The following ZNF497 variants were observed in gnomAD, a reference collection of about 807,000 sequenced individuals.
ZNF497 encodes the protein zinc finger-like protein.
For synonymous variants in ZNF497, 422 were observed against 313.7 expected (o/e 1.35, Z -3.65); for missense variants, 930 against 714.0 (o/e 1.30, Z -3.45).
Position 58,356,765 on chromosome 19 carries a change from G to T in ZNF497, c.871C>A (p.Gln291Lys). 3.8e-6 allele frequency: 6 copies of T among 1,559,994 alleles called. No homozygotes were observed. Among genetic ancestry groups the T allele is most frequent in the Non-Finnish European group, 3.4e-6 (4 of 1,159,566 alleles). The change falls in exon 3 of 3, where the codon CAG (glutamine) becomes AAG (lysine). Residue 291 changes from glutamine (Q) to lysine (K), a missense_variant. Transcript: ENST00000311044. ...TCGCTGCTGTGCGTGCGCCGGTGCT[G>T]CCGCAGCCCCGCCACACGCACGAAG... ...KAFVRVAGLR[Q>K]HRRTHSSEKP...
At chr19:58,360,140 A>G (rs544212231) in intron 1 of ZNF497, among the ~76,000 whole-genome samples, 1 of 152,370 alleles carries the variant, frequency 6.6e-6, no homozygotes, top group African/African-American at 2.4e-5. Flanking sequence ...GACAGAAAGT[A>G]GATCAGCGGT....
chr19:58,355,096 GCT>G lies in ZNF497; in HGVS notation c.*1041_*1042del, dbSNP rs1435359890. The G allele has an allele frequency of 1.3e-5, 2 of 152,238 alleles. No individual in the cohort carries two copies. The highest frequency in any genetic ancestry group is 3.8e-4 in the East Asian group (2 of 5,196). The allele number at this position is 152,238 out of a possible 1,614,324, so 9.4% of individuals were successfully genotyped here. A position where few individuals can be genotyped will look rare whatever the true frequency, so the allele number is the denominator to read the frequency against. On this transcript the variant is annotated 3_prime_UTR_variant, in exon 3 of 3. Transcript: ENST00000311044. ...CTGAGATTCTGCAACATCCACTTTT[GCT>G]CTCTGAGCCTTGCAAAACCTGCACA...
In ZNF497 at chr19:58,357,030, G is replaced by C. The variant is rs1182095958; in HGVS notation, c.606C>G (p.Ser202Arg). ...TGCGTCGGTGCTGCACCAGCGTGGT[G>C]CTTCGGCCGAAGGACTTGCCGCAGT... ...CPDCGKSFGRSTTLVQHRRTH... is the reference protein window; with the variant it reads ...CPDCGKSFGRRTTLVQHRRTH... Residue 202 changes from serine (S) to arginine (R), a missense_variant, in exon 3 of 3, where the codon AGC becomes AGG. Transcript: ENST00000311044. 6.2e-7 allele frequency: 1 copy of C among 1,610,140 alleles called. No homozygotes were observed. Among genetic ancestry groups the C allele is most frequent in the Non-Finnish European group, 8.5e-7 (1 of 1,178,968 alleles).
chr19:58,356,627 G>C lies in ZNF497; in HGVS notation c.1009C>G (p.Gln337Glu), dbSNP rs1156851134. 1 of 1,503,708 alleles carries C rather than the reference G, an allele frequency of 6.7e-7. No homozygotes were observed. The allele number at this position is 1,503,708 out of a possible 1,614,324, so 93.1% of individuals were successfully genotyped here. ...AGGTAGGAGCCCATGACGAAAGCCT[G>C]GCCGCACTCGGCGCACTCGAAGGGC... The part of the protein sequence containing the change: ...ERPFECAECG[Q>E]AFVMGSYLAE... Residue 337 changes from glutamine (Q) to glutamate (E), a missense_variant, in exon 3 of 3, where the codon CAG (glutamine) becomes GAG (glutamate). Coordinates refer to ENST00000311044, the MANE Select transcript of ZNF497 (RefSeq NM_198458.3).
chr19:58,359,663 T>C (rs1191994007), intron 1 of ZNF497: 6 of 329,134 alleles, frequency 1.8e-5, no homozygotes, highest in Non-Finnish European at 2.4e-5. Context: ...GTTTGTCCCC[T>C]CCAGGAAGTG....
At chr19:58,358,111 C>A in intron 2 of ZNF497, 2 of 1,266,996 alleles carry the variant, frequency 1.6e-6, no homozygotes, top group Non-Finnish European at 1.0e-6. Context: ...ACAGCTATGT[C>A]TGCCTCACCC....
chr19:58,361,558 T>C (rs2052094041), intron 1 of ZNF497, among the ~76,000 whole-genome samples: 1 of 151,890 alleles, frequency 6.6e-6, no homozygotes, highest in South Asian at 2.1e-4. Context: ...GGTTTCACCA[T>C]GTTGCTCAGG....
intron 1 of ZNF497, chr19:58,359,280 G>T (rs1472365942): frequency 3.9e-6 from 5 of 1,289,366 alleles, no homozygotes; most frequent in Non-Finnish European, 5.1e-6. Flanking sequence ...CCCCTTTCCT[G>T]GGAGGGGAGT....
intron 1 of ZNF497, among the ~76,000 whole-genome samples, chr19:58,362,067 GCCT>G (rs1226453115): frequency 1.1e-3 from 169 of 152,286 alleles, no homozygotes; most frequent in African/African-American, 3.9e-3. Context: ...GAGCCTCAAC[GCCT>G]CCTCCTCACC....
chr19:58,356,240 C>T lies in ZNF497; in HGVS notation c.1396G>A (p.Gly466Ser). The change falls in exon 3 of 3, where the codon GGC becomes AGC. Residue 466 changes from glycine to serine, a missense_variant. Coordinates refer to ENST00000311044, the MANE Select transcript of ZNF497 (RefSeq NM_198458.3). ...TCGCCGCAAGCGTAGGGCCTCTCGC[C>T]CGTGTGCGTGCGCCGGTGGCTTAAG... ...ELLSHRRTHT[G>S]ERPYACGECG... The T allele has an allele frequency of 6.2e-7, 1 of 1,607,464 alleles. No individual in the cohort carries two copies.
intron 1 of ZNF497, chr19:58,359,535 C>T (rs1246084927): frequency 6.7e-6 from 3 of 450,996 alleles, no homozygotes; most frequent in Non-Finnish European, 1.3e-5. Context: ...CGCCTCCCCG[C>T]TTTTCTTGAG....
chr19:58,357,753 TCTC>T (rs1401518246), intron 2 of ZNF497, 104 bp from the exon 3 acceptor site: 59 of 1,264,194 alleles, frequency 4.7e-5, no homozygotes, highest in Middle Eastern at 2.0e-4. Flanking sequence ...CCCCCACTCT[TCTC>T]CTCCAGGTCC....
At position 58,357,301 on chromosome 19, in the gene ZNF497, C is replaced by G. The variant is rs1028317260; in HGVS notation, c.335G>C (p.Gly112Ala). The G allele has an allele frequency of 1.2e-6, 2 of 1,609,174 alleles. No homozygotes were observed. The highest frequency in any genetic ancestry group is 2.7e-5 in the African/African-American group (2 of 74,960). ...GTAAGAGCCCTGGCTGAACGCCTTGCCGCACTCCCCGCACCGGCAGCCCGG... is the reference window on the plus strand; with the variant it reads ...GTAAGAGCCCTGGCTGAACGCCTTGGCGCACTCCCCGCACCGGCAGCCCGG... ...EEPGCRCGEC[G>A]KAFSQGSYLL... The change falls in exon 3 of 3, where the codon GGC becomes GCC. Residue 112 changes from glycine to alanine, a missense_variant. Transcript: ENST00000311044.
chr19:58,360,128 GAGAC>G (rs1031859812), intron 1 of ZNF497, among the ~76,000 whole-genome samples: 1 of 152,180 alleles, frequency 6.6e-6, no homozygotes, highest in African/African-American at 2.4e-5. Context: ...AAGTCTGTAA[GAGAC>G]AGAAAGTAGA....
At chr19:58,360,077 A>G (rs2052074577) in intron 1 of ZNF497, among the ~76,000 whole-genome samples, 2 of 152,244 alleles carry the variant, frequency 1.3e-5, no homozygotes, top group African/African-American at 2.4e-5. Context: ...AAAAGACTTC[A>G]TATTATGTTA....
chr19:58,356,085 C>A lies in ZNF497; in HGVS notation c.*54G>T. On this transcript the variant is annotated 3_prime_UTR_variant, in exon 3 of 3. Transcript: ENST00000311044. ...GGGCCAGCAGACAGCGCACTCACGCCCGAGACCCCGCAATGCCGTGTGTCC... is the reference window on the plus strand; with the variant it reads ...GGGCCAGCAGACAGCGCACTCACGCACGAGACCCCGCAATGCCGTGTGTCC... 3 of 1,475,066 alleles carry A rather than the reference C, an allele frequency of 2.0e-6. No homozygotes were observed. Among genetic ancestry groups the A allele is most frequent in the Non-Finnish European group, 2.7e-6 (3 of 1,119,082 alleles). 91.4% of individuals were successfully genotyped at this position (1,475,066 alleles called of 1,614,324 possible).
At position 58,356,619 on chromosome 19, in the gene ZNF497, G is replaced by A. The variant is rs1182765877; in HGVS notation, c.1017C>T (p.Phe339=). ...GCTCCGCCAGGTAGGAGCCCATGAC[G>A]AAAGCCTGGCCGCACTCGGCGCACT... ...PFECAECGQA[F]VMGSYLAEHR... Residue 339 remains phenylalanine (F), a synonymous_variant, in exon 3 of 3, where the codon TTC becomes TTT. Coordinates refer to ENST00000311044, the MANE Select transcript of ZNF497 (RefSeq NM_198458.3). 9 of 1,546,544 alleles carry A rather than the reference G, an allele frequency of 5.8e-6. No homozygotes were observed. The highest frequency in any genetic ancestry group is 7.8e-6 in the Non-Finnish European group (9 of 1,151,112).
In ZNF497 at chr19:58,357,360, G is replaced by A. The variant is rs555272188; in HGVS notation, c.276C>T (p.Asp92=). 28 of 1,594,924 alleles carry A rather than the reference G, an allele frequency of 1.8e-5. No homozygotes were observed. The African/African-American group carries it at 3.2e-4, about 18-fold the overall frequency. ...GGAGAGGCGAAGGGCGCAACGCCCGGTCTGCAGGCTCGCTCCTGGGCCCAG... is the reference window on the plus strand; with the variant it reads ...GGAGAGGCGAAGGGCGCAACGCCCGATCTGCAGGCTCGCTCCTGGGCCCAG... The part of the protein sequence containing the change: ...DGAGPRSEPA[D]RALRPSPLPE... The change falls in exon 3 of 3, where the codon GAC becomes GAT. Residue 92 remains aspartate (D), a synonymous_variant. Coordinates refer to ENST00000311044, the MANE Select transcript of ZNF497 (RefSeq NM_198458.3).
intron 2 of ZNF497, chr19:58,357,940 T>G: frequency 1.5e-6 from 2 of 1,323,774 alleles, no homozygotes; most frequent in Non-Finnish European, 1.9e-6. Context: ...GGACTCAAAG[T>G]TGCCCACGCA....
Sources: gnomAD v4.1 joint callset for allele counts (sites outside exome capture counted in the v4.1 genomes callset) on GRCh38, gnomAD v4.1.1 for gene constraint, MANE v1.5 for transcripts, NCBI Gene and HGNC (gene_info 2026-07-23, HGNC 2026-07-21) for gene names.